The following SETD5 variants were observed in gnomAD, a reference collection of about 807,000 sequenced individuals.
The protein encoded by SETD5 is histone-lysine N-methyltransferase SETD5.
In SETD5, 44 loss-of-function variants were observed where a neutral mutation model predicts 153.3. That is an observed-to-expected ratio of 0.29 (90% CI 0.23 to 0.37). The LOEUF (loss-of-function observed/expected upper bound fraction) is 0.37, where lower values mean the gene tolerates loss of function less well. Ranked by LOEUF, SETD5 falls within the 10% of genes least tolerant of loss-of-function variation. The pLI, the probability that SETD5 is intolerant of heterozygous loss-of-function variation, is 1.00. For synonymous variants in SETD5, 716 were observed against 645.2 expected (o/e 1.11, Z -1.66); for missense variants, 1,544 against 1,768.0 (o/e 0.87, Z 2.27).
At chr3:9,462,967 T>A (rs533845107) in intron 17 of SETD5, among the ~76,000 whole-genome samples, 2 of 151,980 alleles carry the variant, frequency 1.3e-5, no homozygotes, top group Non-Finnish European at 2.9e-5. Context: ...CATAGCAATA[T>A]GATCACCTTT....
In SETD5 at chr3:9,434,843, G is replaced by T; in HGVS notation, c.349G>T (p.Val117Phe). The T allele has an allele frequency of 6.2e-7, 1 of 1,613,554 alleles. No individual in the cohort carries two copies. The highest frequency in any genetic ancestry group is 1.1e-5 in the South Asian group (1 of 90,894). ...DKCRGMSRGK[V>F]IRLHRRKQDN... ...CTTTAGGGGAATGAGCAGGGGGAAG[G>T]TTATTAGACTTCATCGGCGGAAGCA... The change falls in exon 6 of 23, where the codon GTT becomes TTT. Residue 117 changes from valine to phenylalanine, a missense_variant. By Grantham distance (50) the Val-to-Phe change is conservative (BLOSUM62 -1). Around this residue, in one of 9 missense-constraint regions of SETD5, gnomAD observed 251 missense variants for 326.9 expected, o/e 0.77. Coordinates refer to ENST00000402198, the MANE Select transcript of SETD5 (RefSeq NM_001080517.3). This position sits in a 1 kb window ranked among gnomAD's most constrained non-coding sequence, Gnocchi z 5.6.
chr3:9,471,386 A>C (rs1214483325), intron 19 of SETD5, among the ~76,000 whole-genome samples: 2 of 152,220 alleles, frequency 1.3e-5, no homozygotes, highest in African/African-American at 4.8e-5. Context: ...AGAAGGCTGG[A>C]GTGAGAGGCA....
intron 15 of SETD5, 66 bp from the exon 16 acceptor site, chr3:9,448,322 G>A (rs557943626): frequency 7.1e-6 from 11 of 1,560,232 alleles, no homozygotes; most frequent in African/African-American, 2.7e-5. Context: ...TCTAGATGAC[G>A]TTTGTCTTTA....
chr3:9,434,994 C>G lies in SETD5; in HGVS notation c.388+112C>G. Reference sequence around the variant, plus strand: ...GCGCAGTGGCTTACGCCTGTAATCTCACCACTTAGGGAGGCCAAAGCGGGC... The same window carrying G: ...GCGCAGTGGCTTACGCCTGTAATCTGACCACTTAGGGAGGCCAAAGCGGGC... On this transcript the variant is annotated intron_variant, in intron 6 of 22. Coordinates refer to ENST00000402198, the MANE Select transcript of SETD5 (RefSeq NM_001080517.3). The surrounding 1 kb of genome is among the most constrained non-coding windows in gnomAD (Gnocchi z 5.6). The G allele has an allele frequency of 7.7e-7, 1 of 1,292,270 alleles. No homozygotes were observed. Among genetic ancestry groups the G allele is most frequent in the Non-Finnish European group, 1.1e-6 (1 of 948,382 alleles). 80.1% of individuals were successfully genotyped at this position (1,292,270 alleles called of 1,614,324 possible).
rs1468391468 is a variant in SETD5 at position 9,440,659 on chromosome 3, A to T, written c.771A>T (p.Glu257Asp). 5 of 1,613,732 alleles carry T rather than the reference A, an allele frequency of 3.1e-6. No individual in the cohort carries two copies. The South Asian group carries it at 5.5e-5, about 18-fold the overall frequency. Residue 257 changes from glutamate to aspartate, a missense_variant, in exon 8 of 23, where the codon GAA (glutamate) becomes GAT (aspartate). Transcript: ENST00000402198. ...PTILDTINKT[E>D]LACNNTVIGS... is the part of the protein sequence containing the mutation. ...TTTTAGACACTATTAATAAGACTGA[A>T]TTGGCCTGTAATAACACAGTTATTG...
intron 16 of SETD5, among the ~76,000 whole-genome samples, chr3:9,449,754 G>A (rs998615789): frequency 1.2e-4 from 18 of 152,206 alleles, no homozygotes; most frequent in Non-Finnish European, 2.4e-4. Context: ...GGACACTACT[G>A]CTGAATGAGC....
At chr3:9,471,802 G>A (rs1173160980) in intron 19 of SETD5, among the ~76,000 whole-genome samples, 1 of 152,224 alleles carries the variant, frequency 6.6e-6, no homozygotes, top group Non-Finnish European at 1.5e-5. Flanking sequence ...CAGGGATGCT[G>A]AATGTCCTGT....
In SETD5 at chr3:9,434,442, G is replaced by C; in HGVS notation, c.286G>C (p.Gly96Arg). Residue 96 changes from glycine to arginine, a missense_variant, in exon 5 of 23, where the codon GGT becomes CGT. Transcript: ENST00000402198. This position sits in a 1 kb window ranked among gnomAD's most constrained non-coding sequence, Gnocchi z 5.6. ...AACTGTACCTACCTGGTGTCCTTGTGGTCTTTCTCAGGATGGCTTCCTTCT... is the reference window on the plus strand; with the variant it reads ...AACTGTACCTACCTGGTGTCCTTGTCGTCTTTCTCAGGATGGCTTCCTTCT... ...GETVPTWCPC[G>R]LSQDGFLLNC... The C allele has an allele frequency of 6.2e-7, 1 of 1,613,912 alleles. No homozygotes were observed.
intron 6 of SETD5, among the ~76,000 whole-genome samples, chr3:9,435,223 A>T (rs965652534): frequency 6.7e-6 from 1 of 148,682 alleles, no homozygotes; most frequent in South Asian, 2.1e-4. Flanking sequence ...AGCCTGGGCA[A>T]CAAGAGCAAA....
Position 9,407,144 on chromosome 3 carries a change from A to G in SETD5, c.-177+9167A>G, listed in dbSNP as rs559509718. 1.3e-4 allele frequency among the ~76,000 whole-genome samples: 20 copies of G among 152,276 alleles called. No homozygotes were observed. The South Asian group carries it at 2.1e-3, about 16-fold the overall frequency. On this transcript the variant is annotated intron_variant, in intron 1 of 22. Transcript: ENST00000402198. ...GGTGTTTGAGACCAGCCTGACCAACATGGTGAAATGCCATTTCTACTAAAA... is the reference window on the plus strand; with the variant it reads ...GGTGTTTGAGACCAGCCTGACCAACGTGGTGAAATGCCATTTCTACTAAAA...
chr3:9,468,469 T>G lies in SETD5; in HGVS notation c.2725-1990T>G, dbSNP rs1415336738. 5.4e-6 allele frequency: 7 copies of G among 1,298,256 alleles called. No homozygotes were observed. In the East Asian group the frequency reaches 3.3e-4, roughly 62 times the overall value. The allele number at this position is 1,298,256 out of a possible 1,614,324, so 80.4% of individuals were successfully genotyped here. ...CTTTTATTTTTTGTTTTGTTTTGCTTCTTGACTTCGAGTAGATGAATAATA... is the reference window on the plus strand; with the variant it reads ...CTTTTATTTTTTGTTTTGTTTTGCTGCTTGACTTCGAGTAGATGAATAATA... On this transcript the variant is annotated intron_variant, in intron 18 of 22. Coordinates refer to ENST00000402198, the MANE Select transcript of SETD5 (RefSeq NM_001080517.3).
intron 1 of SETD5, among the ~76,000 whole-genome samples, chr3:9,423,926 G>T (rs925618505): frequency 2.0e-5 from 3 of 152,104 alleles, no homozygotes; most frequent in Admixed American, 6.6e-5. Context: ...CCATTTGACC[G>T]CAAATAGAAC....
chr3:9,415,462 C>G (rs1315016513), intron 1 of SETD5, among the ~76,000 whole-genome samples: 1 of 152,158 alleles, frequency 6.6e-6, no homozygotes, highest in Non-Finnish European at 1.5e-5. Context: ...GCCCCATGGG[C>G]TTCTAGGAAG....
At chr3:9,458,987 A>C (rs1187755669) in intron 17 of SETD5, among the ~76,000 whole-genome samples, 1 of 152,168 alleles carries the variant, frequency 6.6e-6, no homozygotes, top group Non-Finnish European at 1.5e-5. Context: ...TTTGCCACTG[A>C]GAAATAAGTT....
At chr3:9,465,293 T>C (rs1462692994) in intron 18 of SETD5, among the ~76,000 whole-genome samples, 1 of 152,208 alleles carries the variant, frequency 6.6e-6, no homozygotes, top group Non-Finnish European at 1.5e-5. Context: ...ACCTTCACTG[T>C]TGGATTAAGT....
chr3:9,471,016 C>G (rs2045242620), intron 19 of SETD5, 87 bp downstream of exon 19: 1 of 686,312 alleles, frequency 1.5e-6, no homozygotes, highest in Non-Finnish European at 2.4e-6. Context: ...GCTATGTGTT[C>G]CGCACTACTC....
intron 1 of SETD5, among the ~76,000 whole-genome samples, chr3:9,417,525 G>A (rs969700562): frequency 1.4e-5 from 2 of 143,414 alleles, no homozygotes; most frequent in African/African-American, 5.2e-5. Context: ...TCGCTCTATC[G>A]CCCAGGCTGG....
intron 19 of SETD5, 42 bp downstream of exon 19, chr3:9,470,971 T>A: frequency 9.4e-7 from 1 of 1,061,670 alleles, no homozygotes; most frequent in Non-Finnish European, 1.4e-6. Context: ...TCAAGAATGT[T>A]AACCAAGTAG....
intron 18 of SETD5, chr3:9,468,608 G>A (rs1437029058): frequency 1.5e-6 from 2 of 1,302,026 alleles, no homozygotes; most frequent in Non-Finnish European, 2.0e-6. Flanking sequence ...CACACTTGGA[G>A]GCTGAGAGTG....
Sources: gnomAD v4.1 joint callset for allele counts (sites outside exome capture counted in the v4.1 genomes callset) on GRCh38, gnomAD v4.1.1 for gene constraint, gnomAD v4.1.1 regional missense constraint, Gnocchi (gnomAD v3.1) non-coding constraint, MANE v1.5 for transcripts, NCBI Gene and HGNC (gene_info 2026-07-23, HGNC 2026-07-21) for gene names.